RAB3IP: variants seen among roughly 807,000 people sequenced by gnomAD.
RAB3IP encodes RAB3A interacting protein.
Under a neutral mutation model 59.1 loss-of-function variants are expected in RAB3IP, and 36 were observed. The ratio of observed to expected loss-of-function variants is 0.61; its 90% CI spans 0.47 to 0.80. The LOEUF (loss-of-function observed/expected upper bound fraction) is 0.80. Ranked by LOEUF, RAB3IP falls within the 30% of genes least tolerant of loss-of-function variation. The pLI, the probability that RAB3IP is intolerant of heterozygous loss-of-function variation, is 0.00. For missense variants in RAB3IP, 511 were observed against 536.0 expected, an observed-to-expected ratio of 0.95 and a Z score of 0.46; for synonymous variants, 207 against 191.2, an observed-to-expected ratio of 1.08 and a Z score of -0.68.
At chr12:69,782,959 C>T (rs1206555615) in intron 3 of RAB3IP, among the ~76,000 whole-genome samples, 1 of 152,134 alleles carries the variant, frequency 6.6e-6, no homozygotes, top group Non-Finnish European at 1.5e-5. Flanking sequence ...ATACTCAGCT[C>T]ACATTTTTTT....
chr12:69,793,589 T>A (rs61930176), intron 4 of RAB3IP, among the ~76,000 whole-genome samples: 16,192 of 152,246 alleles, frequency 0.11, 1,186 homozygotes, highest in Non-Finnish European at 0.16. Context: ...CAGGGATTAT[T>A]CTATACAAGG....
Position 69,820,590 on chromosome 12 carries a change from G to A in RAB3IP, c.*5144G>A. ...AAAAAAAAAACTGGCCAGGTGCGAT[G>A]GCTCATGCCTGTAATCCCAGCACTT... On this transcript the variant is annotated 3_prime_UTR_variant, in exon 11 of 11. Coordinates refer to ENST00000247833, the MANE Select transcript of RAB3IP (RefSeq NM_022456.5). The A allele has an allele frequency of 6.6e-6, 1 of 150,660 alleles. No individual in the cohort carries two copies. Among genetic ancestry groups the A allele is most frequent in the Non-Finnish European group, 1.5e-5 (1 of 67,932 alleles). 9.3% of individuals were successfully genotyped at this position (150,660 alleles called of 1,614,324 possible). A position where few individuals can be genotyped will look rare whatever the true frequency, so the allele number is the denominator to read the frequency against.
rs1420595900 is a variant in RAB3IP at position 69,817,445 on chromosome 12, A to G, written c.*1999A>G. ...AAGAACTTCTTAAACTGGAAGCAGGAAAAAAAAAAACCATAAAAGATAACC... is the reference window on the plus strand; with the variant it reads ...AAGAACTTCTTAAACTGGAAGCAGGGAAAAAAAAAACCATAAAAGATAACC... On this transcript the variant is annotated 3_prime_UTR_variant, in exon 11 of 11. Transcript: ENST00000247833. 1 of 116,262 alleles carries G rather than the reference A, an allele frequency of 8.6e-6. No individual in the cohort carries two copies. The highest frequency in any genetic ancestry group is 2.2e-5 in the Non-Finnish European group (1 of 46,104). 7.2% of individuals were successfully genotyped at this position (116,262 alleles called of 1,614,324 possible).
rs759965516 is a variant in RAB3IP at position 69,749,247 on chromosome 12, C to T, written c.-25-6137C>T. Among the ~76,000 whole-genome samples the T allele has an allele frequency of 3.9e-5, 6 of 152,154 alleles. No homozygotes were observed. The East Asian group carries it at 5.8e-4, about 15-fold the overall frequency. On this transcript the variant is annotated intron_variant, in intron 1 of 10. Coordinates refer to ENST00000247833, the MANE Select transcript of RAB3IP (RefSeq NM_022456.5). ...ATTAGATTCTCATAGGAGTGCGAACCGTATTGTGAACTGCACATTGCAAGG... is the reference window on the plus strand; with the variant it reads ...ATTAGATTCTCATAGGAGTGCGAACTGTATTGTGAACTGCACATTGCAAGG...
At chr12:69,801,242 A>G (rs1878326219) in intron 7 of RAB3IP, among the ~76,000 whole-genome samples, 1 of 152,240 alleles carries the variant, frequency 6.6e-6, no homozygotes, top group South Asian at 2.1e-4. Context: ...TGTGGTATAA[A>G]TGACCAATGT....
chr12:69,771,823 G>C (rs1038108720), intron 3 of RAB3IP, among the ~76,000 whole-genome samples: 2 of 151,986 alleles, frequency 1.3e-5, no homozygotes, highest in African/African-American at 2.4e-5. Context: ...TCATCATTTT[G>C]ATGATAGCCA....
intron 3 of RAB3IP, among the ~76,000 whole-genome samples, chr12:69,763,425 A>G (rs1480703251): frequency 6.6e-6 from 1 of 152,174 alleles, no homozygotes; most frequent in Admixed American, 6.5e-5. Flanking sequence ...CATGTAAAAA[A>G]TTGTTGCCAT....
intron 8 of RAB3IP, among the ~76,000 whole-genome samples, chr12:69,807,950 A>C (rs10219700): frequency 6.6e-6 from 1 of 151,916 alleles, no homozygotes; most frequent in East Asian, 1.9e-4. Context: ...CGGGTTGGCC[A>C]GGCAGATCTC....
chr12:69,800,168 C>T (rs768119745), intron 6 of RAB3IP, 41 bp from the exon 7 acceptor site: 83 of 1,434,714 alleles, frequency 5.8e-5, no homozygotes, highest in South Asian at 2.2e-4. Flanking sequence ...TATGTTTATA[C>T]GTTTTAAAAC....
At chr12:69,758,409 G>T (rs527582773) in intron 3 of RAB3IP, among the ~76,000 whole-genome samples, 12 of 151,772 alleles carry the variant, frequency 7.9e-5, no homozygotes, top group Non-Finnish European at 1.3e-4. Flanking sequence ...CCTTTCTTTT[G>T]AATTAATTCT....
intron 1 of RAB3IP, among the ~76,000 whole-genome samples, chr12:69,742,025 A>G (rs1032278614): frequency 2.6e-5 from 4 of 152,238 alleles, no homozygotes; most frequent in South Asian, 4.1e-4. Context: ...CTTAAGGAAT[A>G]TGGAAGGTAG....
rs191352732 is a variant in RAB3IP, at chr12:69,821,526, G to T, written c.*6080G>T. On this transcript the variant is annotated 3_prime_UTR_variant, in exon 11 of 11. Coordinates refer to ENST00000247833, the MANE Select transcript of RAB3IP (RefSeq NM_022456.5). ...TCCTTCTCAATTCTCTTCACTTTCC[G>T]CAGATCTCGGCACCAGGGTTGCATC... 6.6e-6 allele frequency: 1 copy of T among 152,100 alleles called. No homozygotes were observed. Among genetic ancestry groups the T allele is most frequent in the Non-Finnish European group, 1.5e-5 (1 of 68,032 alleles). The allele number at this position is 152,100 out of a possible 1,614,324, so 9.4% of individuals were successfully genotyped here.
chr12:69,812,615 A>G, intron 8 of RAB3IP, 163 bp from the exon 9 acceptor site: 1 of 600,228 alleles, frequency 1.7e-6, no homozygotes, highest in East Asian at 2.8e-5. Context: ...AAGGGCAGAG[A>G]CTTTGTCCTT....
chr12:69,763,036 C>A (rs188144667), intron 3 of RAB3IP, among the ~76,000 whole-genome samples: 43 of 152,248 alleles, frequency 2.8e-4, no homozygotes, highest in African/African-American at 1.0e-3. Context: ...GGGATGATAA[C>A]CAGCCATTTA....
chr12:69,781,644 T>A (rs140453371), intron 3 of RAB3IP, among the ~76,000 whole-genome samples: 1 of 152,210 alleles, frequency 6.6e-6, no homozygotes. Flanking sequence ...CTTTTCAGAT[T>A]GGCTTCTTTC....
Position 69,755,303 on chromosome 12 carries a change from A to C in RAB3IP, c.-25-81A>C, listed in dbSNP as rs1565875749. The C allele has an allele frequency of 7.3e-6, 9 of 1,239,738 alleles. No individual in the cohort carries two copies. In the Middle Eastern group the frequency reaches 7.7e-4, roughly 106 times the overall value. 76.8% of individuals were successfully genotyped at this position (1,239,738 alleles called of 1,614,324 possible). ...TATAATTTACAATGGACTGTTAAACACATTTTATAATTTATGCATTTTAAT... is the reference window on the plus strand; with the variant it reads ...TATAATTTACAATGGACTGTTAAACCCATTTTATAATTTATGCATTTTAAT... On this transcript the variant is annotated intron_variant, in intron 1 of 10. Transcript: ENST00000247833.
intron 3 of RAB3IP, among the ~76,000 whole-genome samples, chr12:69,763,935 A>G (rs1230896764): frequency 2.6e-5 from 4 of 152,108 alleles, no homozygotes; most frequent in African/African-American, 9.7e-5. Flanking sequence ...AGAGGAATTT[A>G]TTTTGTTCTT....
chr12:69,763,033 T>A (rs920242884), intron 3 of RAB3IP, among the ~76,000 whole-genome samples: 1 of 152,222 alleles, frequency 6.6e-6, no homozygotes, highest in Non-Finnish European at 1.5e-5. Flanking sequence ...TAAGGGATGA[T>A]AACCAGCCAT....
chr12:69,759,682 G>A (rs1377089407), intron 3 of RAB3IP, among the ~76,000 whole-genome samples: 177 of 150,560 alleles, frequency 1.2e-3, no homozygotes, highest in African/African-American at 4.0e-3. Context: ...CGGACGGGGC[G>A]GCTGGCCGGG....
Sources: allele counts gnomAD v4.1 joint callset (sites outside exome capture counted in the v4.1 genomes callset), GRCh38; gene constraint gnomAD v4.1.1; transcripts MANE v1.5; gene names NCBI Gene and HGNC (gene_info 2026-07-23, HGNC 2026-07-21).